The following UBE2K variants were observed in gnomAD, a reference collection of about 807,000 sequenced individuals.
UBE2K encodes the protein ubiquitin-conjugating enzyme E2 K.
In UBE2K, 6 loss-of-function variants were observed where a neutral mutation model predicts 30.0. The ratio of observed to expected loss-of-function variants is 0.20; its 90% CI spans 0.11 to 0.39. The LOEUF is 0.39. UBE2K is among the 10% of genes least tolerant of loss of function. The pLI is 1.00. For synonymous variants in UBE2K, 86 were observed against 83.7 expected, an observed-to-expected ratio of 1.03 and a Z score of -0.15; for missense variants, 61 against 241.6, an observed-to-expected ratio of 0.25 and a Z score of 4.96.
At chr4:39,758,933 T>A (rs1307492726) in intron 4 of UBE2K, among the ~76,000 whole-genome samples, 1 of 152,172 alleles carries the variant, frequency 6.6e-6, no homozygotes, top group African/African-American at 2.4e-5. Flanking sequence ...GTGAATAATC[T>A]TGTTTTTTAT....
Position 39,779,042 on chromosome 4 carries a change from A to ACCCCCCCCCCCCCCCCCCCCCCCCCC in UBE2K, c.*616_*617insCCCCCCCCCCCCCCCCCCCCCCCCCC, listed in dbSNP as rs3839130. Reference sequence around the variant, plus strand: ...TGGGACAGTGTCTGATTCCCCCTTCACCCCCCCCACCCCCGCCTTGCCACA... The same window carrying ACCCCCCCCCCCCCCCCCCCCCCCCCC: ...TGGGACAGTGTCTGATTCCCCCTTCACCCCCCCCCCCCCCCCCCCCCCCCCCCCCCCCCCACCCCCGCCTTGCCACA... On this transcript the variant is annotated 3_prime_UTR_variant, in exon 7 of 7. Transcript: ENST00000261427. The ACCCCCCCCCCCCCCCCCCCCCCCCCC allele has an allele frequency of 7.0e-5, 9 of 128,194 alleles. No individual in the cohort carries two copies. Among genetic ancestry groups the ACCCCCCCCCCCCCCCCCCCCCCCCCC allele is most frequent in the Admixed American group, 1.7e-4 (2 of 11,462 alleles). The allele number at this position is 128,194 out of a possible 1,614,324, so 7.9% of individuals were successfully genotyped here.
At chr4:39,746,373 T>C (rs1720990257) in intron 3 of UBE2K, among the ~76,000 whole-genome samples, 1 of 152,210 alleles carries the variant, frequency 6.6e-6, no homozygotes, top group South Asian at 2.1e-4. Context: ...CCTAAACTTA[T>C]TTTTGGATTG....
At chr4:39,770,693 G>A in intron 4 of UBE2K, 2 of 1,572,002 alleles carry the variant, frequency 1.3e-6, no homozygotes, top group South Asian at 1.2e-5. Context: ...TGGGGGGCAC[G>A]CTGCTCTGGG....
At chr4:39,770,656 C>CCA in intron 4 of UBE2K, 1 of 1,588,778 alleles carries the variant, frequency 6.3e-7, no homozygotes, top group East Asian at 2.2e-5. Flanking sequence ...CAGGCCTTCA[C>CCA]CACACCCTGC....
rs564561611 is a variant in UBE2K at position 39,707,990 on chromosome 4, G to A, written c.63+9600G>A. 1.7e-3 allele frequency among the ~76,000 whole-genome samples: 252 copies of A among 151,918 alleles called. 2 individuals carry two copies. Among genetic ancestry groups the A allele is most frequent in the Admixed American group, 4.1e-3 (62 of 15,244 alleles). On this transcript the variant is annotated intron_variant, in intron 1 of 6. Transcript: ENST00000261427. ...CAGCTCATTGCAACCTCTGCCTCCCGGGTTCAAGCGATTCTCCTGCCTCAG... is the reference window on the plus strand; with the variant it reads ...CAGCTCATTGCAACCTCTGCCTCCCAGGTTCAAGCGATTCTCCTGCCTCAG...
At chr4:39,703,940 CAA>C (rs1402064957) in intron 1 of UBE2K, among the ~76,000 whole-genome samples, 1 of 150,768 alleles carries the variant, frequency 6.6e-6, no homozygotes, top group Non-Finnish European at 1.5e-5. Flanking sequence ...ACAGTAAAGA[CAA>C]AAAATATATA....
At chr4:39,775,464 T>C (rs1267402118) in intron 5 of UBE2K, among the ~76,000 whole-genome samples, 1 of 152,210 alleles carries the variant, frequency 6.6e-6, no homozygotes, top group Non-Finnish European at 1.5e-5. Flanking sequence ...AGAAACAGTT[T>C]GCTGGCCAGG....
chr4:39,714,295 C>T, intron 1 of UBE2K: 1 of 204,386 alleles, frequency 4.9e-6, no homozygotes. Flanking sequence ...TTATGAGCTG[C>T]CTGCCATCCA....
At chr4:39,777,611 C>T (rs1713351034) in intron 5 of UBE2K, 71 bp from the exon 6 acceptor site, 15 of 1,314,970 alleles carry the variant, frequency 1.1e-5, no homozygotes, top group East Asian at 8.3e-5. Flanking sequence ...GGATTGTAGG[C>T]GATTAAGAGC....
chr4:39,770,798 C>T (rs1485437492), intron 4 of UBE2K: 70 of 1,565,604 alleles, frequency 4.5e-5, no homozygotes, highest in Non-Finnish European at 5.5e-5. Context: ...TGTCCAGGGC[C>T]GACTCCACCT....
At chr4:39,757,018 GTT>G (rs1227834116) in intron 4 of UBE2K, among the ~76,000 whole-genome samples, 2 of 72,118 alleles carry the variant, frequency 2.8e-5, no homozygotes, top group African/African-American at 1.1e-4. Context: ...TTTGTTTTTT[GTT>G]TTTTGTTTTT....
intron 1 of UBE2K, among the ~76,000 whole-genome samples, chr4:39,711,851 A>G (rs1490748917): frequency 1.3e-4 from 20 of 151,702 alleles, no homozygotes; most frequent in Admixed American, 1.3e-3. Flanking sequence ...CAGCCTGAAC[A>G]CCATGGAGAA....
rs1323706059 is a variant in UBE2K, at chr4:39,752,340, T to C, written c.217-3317T>C. Among the ~76,000 whole-genome samples the C allele has an allele frequency of 2.0e-3, 270 of 133,558 alleles. 2 individuals are homozygous for C. The highest frequency in any genetic ancestry group is 7.3e-3 in the African/African-American group (256 of 35,132). The allele number at this position is 133,558 out of a possible 152,430, so 87.6% of individuals were successfully genotyped here. On this transcript the variant is annotated intron_variant, in intron 3 of 6. Coordinates refer to ENST00000261427, the MANE Select transcript of UBE2K (RefSeq NM_005339.5). ...TTTTTTTTTTCTTTTTTTTTCTTTTTTTTTTTTTTTTTTTGAGACGGCGTC... is the reference window on the plus strand; with the variant it reads ...TTTTTTTTTTCTTTTTTTTTCTTTTCTTTTTTTTTTTTTTGAGACGGCGTC...
At chr4:39,771,220 G>A (rs1191937926) in intron 4 of UBE2K, 1 of 1,612,364 alleles carries the variant, frequency 6.2e-7, no homozygotes, top group Admixed American at 1.7e-5. Context: ...GTGCATCAGG[G>A]AGACCTGCAG....
intron 1 of UBE2K, among the ~76,000 whole-genome samples, chr4:39,732,195 T>C (rs1643401714): frequency 6.6e-6 from 1 of 152,206 alleles, no homozygotes; most frequent in Non-Finnish European, 1.5e-5. Flanking sequence ...CAGCGAACCC[T>C]ATGAGGAACT....
chr4:39,704,868 C>CCTTT (rs1443375568), intron 1 of UBE2K, among the ~76,000 whole-genome samples: 1 of 132,474 alleles, frequency 7.5e-6, no homozygotes. Context: ...AGACTATACA[C>CCTTT]CTTTTTTTTT....
intron 3 of UBE2K, among the ~76,000 whole-genome samples, chr4:39,747,056 G>T (rs1232787406): frequency 6.6e-6 from 1 of 152,122 alleles, no homozygotes; most frequent in Admixed American, 6.6e-5. Flanking sequence ...CAACCTATTG[G>T]TTGTTCCAGT....
chr4:39,733,488 A>T (rs1349668832), intron 1 of UBE2K, among the ~76,000 whole-genome samples: 1 of 151,986 alleles, frequency 6.6e-6, no homozygotes, highest in Non-Finnish European at 1.5e-5. Context: ...GCCTGTCAGC[A>T]CACCTGGCTA....
chr4:39,735,052 A>G (rs1333380613), intron 1 of UBE2K, among the ~76,000 whole-genome samples: 2 of 152,174 alleles, frequency 1.3e-5, no homozygotes, highest in Non-Finnish European at 2.9e-5. Context: ...GATCTTTGAA[A>G]GCATTGATGA....
Sources: allele counts gnomAD v4.1 joint callset (sites outside exome capture counted in the v4.1 genomes callset), GRCh38; gene constraint gnomAD v4.1.1; transcripts MANE v1.5; gene names NCBI Gene and HGNC (gene_info 2026-07-23, HGNC 2026-07-21).